Variants in NHERF1 observed in about 807,000 individuals in gnomAD.
NHERF1 encodes the protein NHERF family PDZ scaffold protein 1.
At chr17:74,749,748 A>T in the NHERF1 span, among the ~76,000 whole-genome samples, 5 of 152,176 alleles carry the variant, frequency 3.3e-5, no homozygotes, top group Admixed American at 3.3e-4. This position sits in a 1 kb window ranked among gnomAD's most constrained non-coding sequence, Gnocchi z 5.6. Flanking sequence ...TTCAAAAGCT[A>T]GAGGAATAGC....
chr17:74,760,999 A>AC, the NHERF1 span, among the ~76,000 whole-genome samples: 2 of 152,220 alleles, frequency 1.3e-5, no homozygotes, highest in African/African-American at 4.8e-5. This position sits in a 1 kb window ranked among gnomAD's most constrained non-coding sequence, Gnocchi z 4.5. Context: ...GGGGAGAGGG[A>AC]CAGGGACTCA....
the NHERF1 span, chr17:74,749,193 C>T: frequency 3.3e-6 from 5 of 1,527,230 alleles, no homozygotes; most frequent in East Asian, 1.2e-4. The surrounding 1 kb of genome is among the most constrained non-coding windows in gnomAD (Gnocchi z 5.6). Flanking sequence ...GCCCAGGAAG[C>T]GCCGGGGCAG....
At chr17:74,766,995 T>C in the NHERF1 span, 1 of 1,612,276 alleles carries the variant, frequency 6.2e-7, no homozygotes, top group Non-Finnish European at 8.5e-7. Flanking sequence ...GGGTCCCCTG[T>C]CTCTTTGGAT....
chr17:74,752,694 G>A, the NHERF1 span, among the ~76,000 whole-genome samples: 2 of 152,094 alleles, frequency 1.3e-5, no homozygotes, highest in African/African-American at 4.8e-5. Flanking sequence ...GAGTTTCACC[G>A]TGTTGCCCAG....
At chr17:74,762,939 C>G in the NHERF1 span, 1 of 163,218 alleles carries the variant, frequency 6.1e-6, no homozygotes, top group Admixed American at 6.0e-5. This position sits in a 1 kb window ranked among gnomAD's most constrained non-coding sequence, Gnocchi z 4.2. Context: ...AATGCTCAGG[C>G]AGGTCCCAGA....
the NHERF1 span, chr17:74,763,153 TC>T: frequency 1.9e-6 from 1 of 523,840 alleles, no homozygotes; most frequent in Non-Finnish European, 3.4e-6. Context: ...CGTTGGCCCT[TC>T]CCATGTATCC....
At chr17:74,762,150 C>G in the NHERF1 span, 1 of 1,614,100 alleles carries the variant, frequency 6.2e-7, no homozygotes, top group Non-Finnish European at 8.5e-7. The surrounding 1 kb of genome is among the most constrained non-coding windows in gnomAD (Gnocchi z 4.2). Flanking sequence ...TTCAGGGCTC[C>G]GGGCCCAGGA....
the NHERF1 span, chr17:74,769,143 T>C: frequency 5.2e-4 from 83 of 159,638 alleles, no homozygotes; most frequent in African/African-American, 1.9e-3. Context: ...TATTGCAGAG[T>C]CTAGAGGAAT....
At chr17:74,760,404 G>A in the NHERF1 span, among the ~76,000 whole-genome samples, 5 of 152,268 alleles carry the variant, frequency 3.3e-5, no homozygotes, top group East Asian at 5.8e-4. This position sits in a 1 kb window ranked among gnomAD's most constrained non-coding sequence, Gnocchi z 4.5. Flanking sequence ...AGGGGTCCTC[G>A]AGCCTGGATT....
At chr17:74,766,876 C>T in the NHERF1 span, 3 of 1,548,324 alleles carry the variant, frequency 1.9e-6, no homozygotes, top group Admixed American at 5.0e-5. Context: ...ACTCCTACCT[C>T]CTCTCCACGC....
the NHERF1 span, among the ~76,000 whole-genome samples, chr17:74,752,397 G>A: frequency 0.063 from 9,569 of 151,852 alleles, 381 homozygotes; most frequent in African/African-American, 0.13. Context: ...TTCCCCTCTA[G>A]CCTCTAAGCC....
At chr17:74,768,306 G>A in the NHERF1 span, 1 of 1,403,178 alleles carries the variant, frequency 7.1e-7, no homozygotes. Flanking sequence ...CTTGTTCCTG[G>A]CACACCAGCC....
the NHERF1 span, among the ~76,000 whole-genome samples, chr17:74,765,043 C>T: frequency 6.6e-6 from 1 of 152,052 alleles, no homozygotes; most frequent in African/African-American, 2.4e-5. Context: ...CTGACCAGTC[C>T]CTGGAGATGG....
chr17:74,756,052 C>T, the NHERF1 span, among the ~76,000 whole-genome samples: 1 of 149,684 alleles, frequency 6.7e-6, no homozygotes, highest in East Asian at 2.0e-4. Context: ...CTCCCAGGTT[C>T]AAGCGATTCT....
chr17:74,749,021 C>T, the NHERF1 span: 1 of 1,605,378 alleles, frequency 6.2e-7, no homozygotes, highest in Non-Finnish European at 8.5e-7. The surrounding 1 kb of genome is among the most constrained non-coding windows in gnomAD (Gnocchi z 5.6). Context: ...GGGGGACCGG[C>T]TGGTGGAGGT....
At chr17:74,751,445 T>C in the NHERF1 span, among the ~76,000 whole-genome samples, 1 of 152,254 alleles carries the variant, frequency 6.6e-6, no homozygotes, top group Non-Finnish European at 1.5e-5. The surrounding 1 kb of genome is among the most constrained non-coding windows in gnomAD (Gnocchi z 4.3). Context: ...TCATTAGCCC[T>C]CCACTTACTA....
the NHERF1 span, among the ~76,000 whole-genome samples, chr17:74,750,169 C>T: frequency 1.3e-5 from 2 of 152,212 alleles, no homozygotes; most frequent in Non-Finnish European, 2.9e-5. Context: ...CACTCTGGTG[C>T]CCACACAGCC....
chr17:74,760,920 G>A, the NHERF1 span, among the ~76,000 whole-genome samples: 4 of 152,234 alleles, frequency 2.6e-5, no homozygotes, highest in South Asian at 4.1e-4. The surrounding 1 kb of genome is among the most constrained non-coding windows in gnomAD (Gnocchi z 4.5). Context: ...ATTGTCTGAT[G>A]TGCTGAGTGA....
the NHERF1 span, chr17:74,748,981 C>T: frequency 6.2e-7 from 1 of 1,607,644 alleles, no homozygotes; most frequent in Non-Finnish European, 8.5e-7. This position sits in a 1 kb window ranked among gnomAD's most constrained non-coding sequence, Gnocchi z 4.3. Flanking sequence ...TGGAGCCCGG[C>T]TCGCCGGCCG....
Sources: allele counts gnomAD v4.1 joint callset (sites outside exome capture counted in the v4.1 genomes callset), GRCh38; gene constraint gnomAD v4.1.1; non-coding constraint Gnocchi (gnomAD v3.1); transcripts MANE v1.5; gene names NCBI Gene and HGNC (gene_info 2026-07-23, HGNC 2026-07-21).